Variants in ARAP2 observed in about 807,000 individuals in gnomAD.
ARAP2 encodes ArfGAP with RhoGAP domain, ankyrin repeat and PH domain 2, also known as arf-GAP with Rho-GAP domain, ANK repeat and PH domain-containing protein 2.
In ARAP2, 148 loss-of-function variants were observed where a neutral mutation model predicts 194.5. That is an observed-to-expected ratio of 0.76 (90% confidence interval 0.67 to 0.87). The LOEUF (loss-of-function observed/expected upper bound fraction) is 0.87. Among genes scored for constraint, ARAP2 ranks in the 40% least tolerant of loss-of-function variants. ARAP2 has a pLI of 0.00. For synonymous variants in ARAP2, 695 were observed against 683.5 expected (o/e 1.02, Z -0.26); for missense variants, 2,128 against 1,989.7 (o/e 1.07, Z -1.32).
chr4:36,154,571 T>C (rs1311647513), intron 15 of ARAP2, among the ~76,000 whole-genome samples: 5 of 151,864 alleles, frequency 3.3e-5, no homozygotes, highest in Non-Finnish European at 7.4e-5. Flanking sequence ...GTACTTAGGT[T>C]CAACAAAAGC....
At chr4:36,160,977 T>C (rs1733771018) in intron 12 of ARAP2, among the ~76,000 whole-genome samples, 1 of 152,174 alleles carries the variant, frequency 6.6e-6, no homozygotes, top group Non-Finnish European at 1.5e-5. Flanking sequence ...CTGTCTGAAG[T>C]GCTTGGTGGT....
Position 36,167,040 on chromosome 4 carries a change from T to C in ARAP2, c.1865A>G (p.Lys622Arg), listed in dbSNP as rs776053585. 25 of 1,543,240 alleles carry C rather than the reference T, an allele frequency of 1.6e-5. No individual in the cohort carries two copies. The Admixed American group carries it at 4.7e-4, about 29-fold the overall frequency. The change falls in exon 10 of 33, where the codon AAG becomes AGG. Residue 622 changes from lysine (K) to arginine (R), a missense_variant. Physicochemically the swap from Lys to Arg is conservative, Grantham distance 26. Coordinates refer to ENST00000303965, the MANE Select transcript of ARAP2 (RefSeq NM_015230.4). The stretch of plus-strand genomic sequence containing the variant: ...AATTATGGTAATACCAAGTCCACTC[T>C]TAAAATCCTAGTTTGGAGAAAAACA... Reference protein sequence around the residue: ...VWLCKNEQDFKSGLGITIIPM... With the variant: ...VWLCKNEQDFRSGLGITIIPM...
intron 1 of ARAP2, among the ~76,000 whole-genome samples, chr4:36,058,374 G>T (rs536057203): frequency 2.0e-5 from 3 of 152,258 alleles, no homozygotes; most frequent in Admixed American, 2.0e-4. Context: ...TCCTGAACAA[G>T]ACTGCAAAAG....
chr4:36,223,720 T>G (rs1447691310), intron 2 of ARAP2, among the ~76,000 whole-genome samples: 1 of 58,150 alleles, frequency 1.7e-5, no homozygotes, highest in East Asian at 2.4e-4. Flanking sequence ...CAGAGATGGC[T>G]CTCTCTCTCT....
At chr4:36,011,341 A>G (rs1328042599) in intron 9 of ARAP2, among the ~76,000 whole-genome samples, 3 of 152,180 alleles carry the variant, frequency 2.0e-5, no homozygotes, top group African/African-American at 7.2e-5. Flanking sequence ...TGTTTGATAA[A>G]ACACTTAGGA....
intron 5 of ARAP2, among the ~76,000 whole-genome samples, chr4:36,022,083 A>C (rs1329146151): frequency 6.6e-6 from 1 of 152,180 alleles, no homozygotes; most frequent in African/African-American, 2.4e-5. Flanking sequence ...GTAAACATAG[A>C]AATGGTTCAG....
chr4:36,161,056 C>T (rs985785924), intron 12 of ARAP2, among the ~76,000 whole-genome samples: 11 of 151,968 alleles, frequency 7.2e-5, no homozygotes, highest in South Asian at 6.2e-4. Flanking sequence ...TGACAGAGTA[C>T]GGCCAAGGTA....
intron 8 of ARAP2, among the ~76,000 whole-genome samples, chr4:36,186,503 G>A (rs528398932): frequency 2.7e-4 from 41 of 152,270 alleles, no homozygotes; most frequent in Admixed American, 7.2e-4. Flanking sequence ...GTGCCTGTGC[G>A]GTCAGCTAAA....
intron 6 of ARAP2, among the ~76,000 whole-genome samples, chr4:36,198,260 T>C (rs1743579478): frequency 6.6e-6 from 1 of 152,152 alleles, no homozygotes; most frequent in Non-Finnish European, 1.5e-5. Flanking sequence ...CGTCCTGATG[T>C]CTGCGCAGCT....
intron 26 of ARAP2, among the ~76,000 whole-genome samples, chr4:36,111,534 G>A (rs1719985041): frequency 6.6e-6 from 1 of 151,786 alleles, no homozygotes; most frequent in Non-Finnish European, 1.5e-5. Flanking sequence ...ACATTTCTTT[G>A]TTTATACATT....
At chr4:36,029,933 C>T (rs773616397) in intron 5 of ARAP2, among the ~76,000 whole-genome samples, 1 of 151,950 alleles carries the variant, frequency 6.6e-6, no homozygotes, top group Non-Finnish European at 1.5e-5. Flanking sequence ...AGCATTATTA[C>T]TTTTTAATTC....
At chr4:36,155,256 G>C (rs1731976739) in intron 15 of ARAP2, among the ~76,000 whole-genome samples, 1 of 152,162 alleles carries the variant, frequency 6.6e-6, no homozygotes. Flanking sequence ...TTCACTTCAG[G>C]GGGAAAGAGA....
intron 19 of ARAP2, among the ~76,000 whole-genome samples, chr4:36,145,922 T>C (rs1182434974): frequency 1.3e-5 from 2 of 151,906 alleles, no homozygotes; most frequent in African/African-American, 4.8e-5. Context: ...AGATACAACC[T>C]CTTCACTTAA....
At chr4:36,022,164 A>G (rs1001699277) in intron 5 of ARAP2, among the ~76,000 whole-genome samples, 4 of 152,184 alleles carry the variant, frequency 2.6e-5, no homozygotes, top group African/African-American at 9.6e-5. Flanking sequence ...AAACATAATT[A>G]TGTGATGCAT....
At chr4:36,135,095 C>A (rs1726361838) in intron 19 of ARAP2, among the ~76,000 whole-genome samples, 1 of 151,684 alleles carries the variant, frequency 6.6e-6, no homozygotes, top group African/African-American at 2.4e-5. Context: ...ACAAAGTTTG[C>A]TTTAAAACAT....
intron 2 of ARAP2, among the ~76,000 whole-genome samples, chr4:36,218,871 A>G (rs1748562735): frequency 6.6e-6 from 1 of 152,210 alleles, no homozygotes; most frequent in Non-Finnish European, 1.5e-5. Flanking sequence ...TAAGAAACAC[A>G]CAAAAAAATG....
intron 23 of ARAP2, among the ~76,000 whole-genome samples, chr4:36,120,867 C>A: frequency 6.6e-6 from 1 of 151,478 alleles, no homozygotes; most frequent in South Asian, 2.1e-4. Flanking sequence ...CATTTTATAA[C>A]TTCACACTTC....
chr4:36,120,557 T>C (rs1182340144), intron 23 of ARAP2, among the ~76,000 whole-genome samples: 2 of 151,616 alleles, frequency 1.3e-5, no homozygotes, highest in Admixed American at 1.3e-4. Flanking sequence ...AGTTATATAA[T>C]AGAACTGGAC....
downstream of ARAP2, chr4:36,065,266 T>C (rs1488267685): frequency 6.9e-6 from 3 of 432,582 alleles, no homozygotes; most frequent in East Asian, 6.6e-5. Flanking sequence ...TCAGGCCTTG[T>C]TGAGGGCCAA....
Sources: allele counts gnomAD v4.1 joint callset (sites outside exome capture counted in the v4.1 genomes callset), GRCh38; gene constraint gnomAD v4.1.1; transcripts MANE v1.5; gene names NCBI Gene and HGNC (gene_info 2026-07-23, HGNC 2026-07-21).